Variants in CAMTA1 observed in about 807,000 individuals in gnomAD.
CAMTA1 encodes calmodulin binding transcription activator 1.
Under a neutral mutation model 170.9 loss-of-function variants are expected in CAMTA1, and 27 were observed. That is an observed-to-expected ratio of 0.16 (90% CI 0.12 to 0.22). The LOEUF is 0.22. CAMTA1 is among the 10% of genes least tolerant of loss of function. The pLI, the probability that CAMTA1 is intolerant of heterozygous loss-of-function variation, is 1.00. For missense variants in CAMTA1, 1,619 were observed against 2,217.2 expected, an observed-to-expected ratio of 0.73 and a Z score of 5.42; for synonymous variants, 833 against 891.5, an observed-to-expected ratio of 0.93 and a Z score of 1.17.
At chr1:7,266,377 C>G (rs1468217443) in intron 5 of CAMTA1, among the ~76,000 whole-genome samples, 2 of 152,204 alleles carry the variant, frequency 1.3e-5, no homozygotes, top group Non-Finnish European at 2.9e-5. Context: ...GACCCCAGAG[C>G]CCTTTCCCTC....
chr1:6,816,009 G>A (rs892378432), intron 1 of CAMTA1, among the ~76,000 whole-genome samples: 3 of 152,030 alleles, frequency 2.0e-5, no homozygotes, highest in Non-Finnish European at 4.4e-5. Flanking sequence ...ATACATCTTG[G>A]GATCACTTGG....
At chr1:7,018,776 T>G (rs778338727) in intron 3 of CAMTA1, among the ~76,000 whole-genome samples, 1 of 151,840 alleles carries the variant, frequency 6.6e-6, no homozygotes, top group Non-Finnish European at 1.5e-5. Flanking sequence ...ATTCCTGGAG[T>G]CATTTCTTGG....
rs139813877 is a variant in CAMTA1 at position 7,662,045 on chromosome 1, G to A, written c.805+179G>A. Among the ~76,000 whole-genome samples, 31 of 152,348 alleles carry A rather than the reference G, an allele frequency of 2.0e-4. No homozygotes were observed. The East Asian group carries it at 4.6e-3, about 23-fold the overall frequency. On this transcript the variant is annotated intron_variant, in intron 8 of 22. Transcript: ENST00000303635. ...AGACACAAGGCAGGCCTTCCGCCTCGTCCTGCCCTGCAACTGGCTGGCAGT... is the reference window on the plus strand; with the variant it reads ...AGACACAAGGCAGGCCTTCCGCCTCATCCTGCCCTGCAACTGGCTGGCAGT...
At chr1:7,658,254 G>A (rs2095922477) in intron 7 of CAMTA1, among the ~76,000 whole-genome samples, 1 of 152,242 alleles carries the variant, frequency 6.6e-6, no homozygotes, top group African/African-American at 2.4e-5. Flanking sequence ...AGGCTCCCGT[G>A]ATGAGCTCTG....
chr1:7,040,723 C>CT (rs1277626911), intron 3 of CAMTA1, among the ~76,000 whole-genome samples: 10,004 of 141,638 alleles, frequency 0.071, 435 homozygotes, highest in East Asian at 0.23. Context: ...GGATCTCCCT[C>CT]TTTTTTTTTT....
intron 3 of CAMTA1, among the ~76,000 whole-genome samples, chr1:7,023,611 T>A (rs78682756): frequency 0.032 from 4,880 of 152,032 alleles, 97 homozygotes; most frequent in South Asian, 0.055. Flanking sequence ...TGGTTTTTTT[T>A]AAAAAAAGAA....
At position 7,311,601 on chromosome 1, in the gene CAMTA1, GTT is replaced by G. The variant is rs59546165; in HGVS notation, c.438+61984_438+61985del. On this transcript the variant is annotated intron_variant, in intron 5 of 22. Transcript: ENST00000303635. ...ATGTATCTATTTCTATGAAAGTTGA[GTT>G]TTTTTTTTCTAGTTGTTATTATGCC... Among the ~76,000 whole-genome samples the G allele has an allele frequency of 9.1e-3, 1,371 of 150,342 alleles. 23 individuals carry two copies. Among genetic ancestry groups the G allele is most frequent in the African/African-American group, 0.031 (1,265 of 40,844 alleles).
rs536094312 is a variant in CAMTA1, at chr1:6,940,789, C to A, written c.234+115579C>A. Among the ~76,000 whole-genome samples, 3 of 148,642 alleles carry A rather than the reference C, an allele frequency of 2.0e-5. No homozygotes were observed. In the South Asian group the frequency reaches 6.5e-4, roughly 32 times the overall value. ...CCAGAGAAGGATAGATGGCAGGTGT[C>A]CACACAGCCCCCTTCCTCACCGACA... is the stretch of plus-strand genomic sequence containing the variant. On this transcript the variant is annotated intron_variant, in intron 3 of 22. Transcript: ENST00000303635.
intron 5 of CAMTA1, among the ~76,000 whole-genome samples, chr1:7,460,161 G>A (rs183986903): frequency 9.2e-5 from 14 of 152,386 alleles, no homozygotes; most frequent in African/African-American, 2.9e-4. Flanking sequence ...TGCGGGACGC[G>A]GATGAGAGAG....
Position 7,680,050 on chromosome 1 carries a change from C to G in CAMTA1, c.2914+2317C>G, listed in dbSNP as rs2096172123. The G allele has an allele frequency of 6.4e-6, 1 of 155,946 alleles. No individual in the cohort carries two copies. The highest frequency in any genetic ancestry group is 2.4e-5 in the African/African-American group (1 of 41,486). The allele number at this position is 155,946 out of a possible 1,614,324, so 9.7% of individuals were successfully genotyped here. A position where few individuals can be genotyped will look rare whatever the true frequency, so the allele number is the denominator to read the frequency against. ...CCCAGCCTTCCCAGCCTTTCACCAG[C>G]TTGATAAATACTAAGGGAGGGGAGG... On this transcript the variant is annotated intron_variant, in intron 11 of 22. Coordinates refer to ENST00000303635, the MANE Select transcript of CAMTA1 (RefSeq NM_015215.4). The surrounding 1 kb of genome is among the most constrained non-coding windows in gnomAD (Gnocchi z 4.4).
chr1:7,714,715 T>C (rs12145723), intron 11 of CAMTA1, among the ~76,000 whole-genome samples: 22,149 of 152,046 alleles, frequency 0.15, 2,019 homozygotes, highest in South Asian at 0.28. Context: ...AGAGACGGAG[T>C]TTCACCATGT....
chr1:7,094,727 G>A (rs1447961865), intron 4 of CAMTA1, among the ~76,000 whole-genome samples: 1 of 152,158 alleles, frequency 6.6e-6, no homozygotes, highest in Non-Finnish European at 1.5e-5. Context: ...TGGGGACCCT[G>A]GGGGCAGCCG....
chr1:6,946,677 T>C (rs1687624528), intron 3 of CAMTA1, among the ~76,000 whole-genome samples: 1 of 152,200 alleles, frequency 6.6e-6, no homozygotes, highest in Admixed American at 6.5e-5. Context: ...CTTTTTATCA[T>C]TGTGTTGTGA....
intron 4 of CAMTA1, among the ~76,000 whole-genome samples, chr1:7,187,155 T>A (rs1470537221): frequency 1.3e-5 from 2 of 151,952 alleles, no homozygotes; most frequent in African/African-American, 2.4e-5. Context: ...GCGGGGGCAT[T>A]TGAACCAAGA....
chr1:7,726,503 T>C lies in CAMTA1; in HGVS notation c.2915-5945T>C, dbSNP rs998417885. 2.0e-5 allele frequency among the ~76,000 whole-genome samples: 3 copies of C among 152,240 alleles called. No homozygotes were observed. The East Asian group carries it at 5.8e-4, about 29-fold the overall frequency. On this transcript the variant is annotated intron_variant, in intron 11 of 22. Coordinates refer to ENST00000303635, the MANE Select transcript of CAMTA1 (RefSeq NM_015215.4). ...GCTCTAAGTAGGTGGCTCTTTATAC[T>C]GTTTTTTACTGAAGCATGTATGTGT...
intron 4 of CAMTA1, among the ~76,000 whole-genome samples, chr1:7,187,195 A>G (rs1300480402): frequency 6.6e-6 from 1 of 152,056 alleles, no homozygotes; most frequent in African/African-American, 2.4e-5. Flanking sequence ...TGCAGAGAGG[A>G]ATATGGGCTC....
chr1:6,913,803 A>G (rs1416607899), intron 3 of CAMTA1, among the ~76,000 whole-genome samples: 1 of 151,720 alleles, frequency 6.6e-6, no homozygotes, highest in African/African-American at 2.4e-5. Context: ...GCAGAGTAGG[A>G]TGTTTGAAAG....
At chr1:7,339,460 G>T (rs1336281290) in intron 5 of CAMTA1, among the ~76,000 whole-genome samples, 1 of 152,174 alleles carries the variant, frequency 6.6e-6, no homozygotes, top group Non-Finnish European at 1.5e-5. Flanking sequence ...AGAGTGGCAG[G>T]TCTAAGACGC....
intron 4 of CAMTA1, among the ~76,000 whole-genome samples, chr1:7,243,054 G>C (rs1447076961): frequency 6.6e-6 from 1 of 152,196 alleles, no homozygotes; most frequent in South Asian, 2.1e-4. Context: ...GAATTTGTAT[G>C]TGTAAGTGGA....
Sources: allele counts gnomAD v4.1 joint callset (sites outside exome capture counted in the v4.1 genomes callset), GRCh38; gene constraint gnomAD v4.1.1; non-coding constraint Gnocchi (gnomAD v3.1); transcripts MANE v1.5; gene names NCBI Gene and HGNC (gene_info 2026-07-23, HGNC 2026-07-21).